The following PPP1R10 variants were observed in gnomAD, a reference collection of about 807,000 sequenced individuals.
PPP1R10 encodes the protein protein phosphatase 1 regulatory subunit 10.
A neutral mutation model predicts 99.0 loss-of-function variants in PPP1R10; 15 were observed. The ratio of observed to expected loss-of-function variants is 0.15; its 90% confidence interval spans 0.10 to 0.23. The LOEUF is 0.23. Ranked by LOEUF, PPP1R10 falls within the 10% of genes least tolerant of loss-of-function variation. The pLI, the probability that PPP1R10 is intolerant of heterozygous loss-of-function variation, is 1.00. For synonymous variants in PPP1R10, 430 were observed against 449.5 expected (o/e 0.96, Z 0.55); for missense variants, 947 against 1,259.4 (o/e 0.75, Z 3.75).
chr6:30,615,821 A>T (rs1760443610), intron 2 of PPP1R10, among the ~76,000 whole-genome samples: 1 of 152,182 alleles, frequency 6.6e-6, no homozygotes, highest in Non-Finnish European at 1.5e-5. Context: ...TGGCACTAAG[A>T]TTATATTTTG....
chr6:30,614,785 G>A (rs757743529), intron 2 of PPP1R10, among the ~76,000 whole-genome samples: 2 of 152,002 alleles, frequency 1.3e-5, no homozygotes, highest in African/African-American at 2.4e-5. Context: ...AGCTGAAGTG[G>A]GGAAAAATTA....
Position 30,604,927 on chromosome 6 carries a change from G to T in PPP1R10, c.954+67C>A. On this transcript the variant is annotated intron_variant, in intron 11 of 19. Transcript: ENST00000376511. This position sits in a 1 kb window ranked among gnomAD's most constrained non-coding sequence, Gnocchi z 7.3. ...TTGTCCTCCCCGACAACTCCTAGCTGCTGTGCCCTTTCTTCTACTTTACCT... is the reference window on the plus strand; with the variant it reads ...TTGTCCTCCCCGACAACTCCTAGCTTCTGTGCCCTTTCTTCTACTTTACCT... 1 of 1,553,962 alleles carries T rather than the reference G, an allele frequency of 6.4e-7. No homozygotes were observed. The highest frequency in any genetic ancestry group is 8.9e-7 in the Non-Finnish European group (1 of 1,127,318).
chr6:30,604,101 G>C lies in PPP1R10; in HGVS notation c.1415C>G (p.Pro472Arg). ...ACTATTGCTTCCAGGGGTGACAAGA[G>C]GTGAGGGCAGAACCAGGGGCCGGGG... is the stretch of plus-strand genomic sequence containing the variant. ...VCPRPLVLPS[P>R]LVTPGSNSQE... Residue 472 changes from proline to arginine, a missense_variant, in exon 14 of 20, where the codon CCT (proline) becomes CGT (arginine). Transcript: ENST00000376511. This position sits in a 1 kb window ranked among gnomAD's most constrained non-coding sequence, Gnocchi z 7.3. The C allele has an allele frequency of 6.2e-7, 1 of 1,614,126 alleles. No individual in the cohort carries two copies. Among genetic ancestry groups the C allele is most frequent in the Non-Finnish European group, 8.5e-7 (1 of 1,180,034 alleles).
At chr6:30,616,272 AG>A (rs1244233725) in intron 2 of PPP1R10, among the ~76,000 whole-genome samples, 1 of 152,228 alleles carries the variant, frequency 6.6e-6, no homozygotes, top group African/African-American at 2.4e-5. Context: ...GCAGCAAGGC[AG>A]GGAAGAGATA....
intron 2 of PPP1R10, among the ~76,000 whole-genome samples, chr6:30,615,936 TAA>T (rs1206297845): frequency 6.6e-6 from 1 of 152,188 alleles, no homozygotes; most frequent in Non-Finnish European, 1.5e-5. Context: ...AACAGTCATT[TAA>T]AAAGTTATAG....
intron 5 of PPP1R10, 128 bp from the exon 6 acceptor site, chr6:30,608,019 C>CAAAAA: frequency 3.2e-6 from 3 of 945,528 alleles, no homozygotes; most frequent in East Asian, 2.6e-5. Flanking sequence ...GACGGAGTCT[C>CAAAAA]ACTCTGTTGC....
chr6:30,608,028 G>A (rs1347060413), intron 5 of PPP1R10, 137 bp from the exon 6 acceptor site: 1 of 877,954 alleles, frequency 1.1e-6, no homozygotes, highest in Non-Finnish European at 1.7e-6. Context: ...TCACTCTGTT[G>A]CCCAGGCTAG....
Position 30,605,736 on chromosome 6 carries a change from A to T in PPP1R10, c.853+187T>A, listed in dbSNP as rs1264421. 348,718 of 614,744 alleles carry T rather than the reference A, an allele frequency of 0.57. 104,051 individuals are homozygous for T. The highest frequency in any genetic ancestry group is 0.8 in the South Asian group (40,184 of 50,210). 38.1% of individuals were successfully genotyped at this position (614,744 alleles called of 1,614,324 possible). The stretch of plus-strand genomic sequence containing the variant: ...TTAGCCGGGCGTGGTGGCGGGCACC[A>T]GTAGTCCCAGCTACTCGGGAGGCTG... On this transcript the variant is annotated intron_variant, in intron 10 of 19. Transcript: ENST00000376511.
In PPP1R10 at chr6:30,601,483, T is replaced by C; in HGVS notation, c.*66A>G. ...GGGAAAATGGGCCTCACAGAAGCCATAACAGGGTGGAAAGAGCGAGGCTGC... is the reference window on the plus strand; with the variant it reads ...GGGAAAATGGGCCTCACAGAAGCCACAACAGGGTGGAAAGAGCGAGGCTGC... On this transcript the variant is annotated 3_prime_UTR_variant, in exon 20 of 20. Transcript: ENST00000376511. 7.2e-7 allele frequency: 1 copy of C among 1,395,242 alleles called. No individual in the cohort carries two copies. Among genetic ancestry groups the C allele is most frequent in the Non-Finnish European group, 1.0e-6 (1 of 988,348 alleles). The allele number at this position is 1,395,242 out of a possible 1,614,324, so 86.4% of individuals were successfully genotyped here. A position where few individuals can be genotyped will look rare whatever the true frequency, so the allele number is the denominator to read the frequency against.
At chr6:30,612,752 C>G (rs113990981) in intron 2 of PPP1R10, among the ~76,000 whole-genome samples, 48 of 152,138 alleles carry the variant, frequency 3.2e-4, no homozygotes, top group African/African-American at 1.1e-3. Context: ...TGGAAAAAAA[C>G]CAAACAATTT....
At chr6:30,610,048 T>A in intron 2 of PPP1R10, 93 bp from the exon 3 acceptor site, 1 of 780,170 alleles carries the variant, frequency 1.3e-6, no homozygotes, top group East Asian at 2.5e-5. Context: ...ATCTCTATAT[T>A]TGACAAAGTA....
In PPP1R10 at chr6:30,603,455, G is replaced by A; in HGVS notation, c.1767+17C>T. ...GAGGCTCCACAGAAGGTGGAAAAGGGGAAGGAGGGTGCGTACCATGATGGA... is the reference window on the plus strand; with the variant it reads ...GAGGCTCCACAGAAGGTGGAAAAGGAGAAGGAGGGTGCGTACCATGATGGA... On this transcript the variant is annotated intron_variant, in intron 16 of 19. Transcript: ENST00000376511. 6.2e-7 allele frequency: 1 copy of A among 1,601,418 alleles called. No homozygotes were observed. Among genetic ancestry groups the A allele is most frequent in the Non-Finnish European group, 8.5e-7 (1 of 1,172,096 alleles).
At position 30,604,220 on chromosome 6, in the gene PPP1R10, C is replaced by G. The variant is rs1264422; in HGVS notation, c.1296G>C (p.Ala432=). ...NVNKIKDFGE[A]AKREILSDRH... ...GGTCTGACAGTATCTCTCGCTTAGC[C>G]GCCTCACCAAAGTCCTTGATCTTAT... Residue 432 remains alanine (A), a synonymous_variant, in exon 14 of 20, where the codon GCG becomes GCC. Coordinates refer to ENST00000376511, the MANE Select transcript of PPP1R10 (RefSeq NM_002714.4). This position sits in a 1 kb window ranked among gnomAD's most constrained non-coding sequence, Gnocchi z 7.3. The G allele has an allele frequency of 7.4e-3, 12,015 of 1,614,118 alleles. 66 individuals carry two copies. The highest frequency in any genetic ancestry group is 0.01 in the Admixed American group (602 of 60,016).
chr6:30,607,980 CTGCT>C, intron 5 of PPP1R10, 89 bp from the exon 6 acceptor site: 2 of 1,267,414 alleles, frequency 1.6e-6, no homozygotes, highest in Non-Finnish European at 2.2e-6. Context: ...ACAGTCCTCC[CTGCT>C]TTTTTTTTTT....
intron 19 of PPP1R10, 98 bp from the exon 20 acceptor site, chr6:30,601,756 G>A (rs2127434579): frequency 7.3e-7 from 1 of 1,366,332 alleles, no homozygotes; most frequent in Non-Finnish European, 1.0e-6. Flanking sequence ...CTGTCTTTCA[G>A]AGACAATCTT....
chr6:30,608,800 G>A lies in PPP1R10; in HGVS notation c.309C>T (p.Leu103=). Residue 103 remains leucine (L), a synonymous_variant, in exon 5 of 20, where the codon CTC becomes CTT. Coordinates refer to ENST00000376511, the MANE Select transcript of PPP1R10 (RefSeq NM_002714.4). ...QILLTLQHLP[L]TVDHLKQNNT... ...GTACCTGCTTGAGATGGTCTACAGT[G>A]AGCGGTAGATGCTGCAGGGTCAGTA... 1.2e-6 allele frequency: 2 copies of A among 1,614,120 alleles called. No individual in the cohort carries two copies. Among genetic ancestry groups the A allele is most frequent in the Non-Finnish European group, 8.5e-7 (1 of 1,179,986 alleles).
intron 2 of PPP1R10, among the ~76,000 whole-genome samples, chr6:30,615,814 C>G (rs1020868162): frequency 3.9e-5 from 6 of 152,134 alleles, no homozygotes; most frequent in African/African-American, 7.2e-5. Flanking sequence ...TATGTACTGG[C>G]ACTAAGATTA....
rs749014629 is a variant in PPP1R10 at position 30,606,653 on chromosome 6, A to G, written c.461-12T>C. 11 of 1,613,878 alleles carry G rather than the reference A, an allele frequency of 6.8e-6. No homozygotes were observed. In the Admixed American group the frequency reaches 1.5e-4, roughly 22 times the overall value. On this transcript the variant is annotated splice_polypyrimidine_tract_variant and intron_variant, in intron 7 of 19. Coordinates refer to ENST00000376511, the MANE Select transcript of PPP1R10 (RefSeq NM_002714.4). This position sits in a 1 kb window ranked among gnomAD's most constrained non-coding sequence, Gnocchi z 6.3. ...CTTCTTATCTTTCTCTGTTGTGAAA[A>G]AACAAAGCAGAAAAGGATTTTATTT...
intron 2 of PPP1R10, 89 bp downstream of exon 2, chr6:30,616,389 C>T (rs1401659030): frequency 1.3e-5 from 2 of 152,588 alleles, no homozygotes; most frequent in Non-Finnish European, 2.9e-5. Context: ...GTTCTATGGT[C>T]TCATTTCTTC....
Sources: gnomAD v4.1 joint callset for allele counts (sites outside exome capture counted in the v4.1 genomes callset) on GRCh38, gnomAD v4.1.1 for gene constraint, Gnocchi (gnomAD v3.1) non-coding constraint, MANE v1.5 for transcripts, NCBI Gene and HGNC (gene_info 2026-07-23, HGNC 2026-07-21) for gene names.